SHISA6: variants seen among roughly 807,000 people sequenced by gnomAD.
SHISA6 encodes protein shisa-6.
In SHISA6, 22 loss-of-function variants were observed where a neutral mutation model predicts 47.9. The observed-to-expected ratio is 0.46, with a 90% CI of 0.33 to 0.66. The LOEUF is 0.66. SHISA6 is among the 30% of genes least tolerant of loss of function. The probability of loss-of-function intolerance (pLI) is 0.02; values close to 1 mark genes in which losing one functional copy is unlikely to be tolerated. For missense variants in SHISA6, 680 were observed against 764.6 expected (o/e 0.89, Z 1.30); for synonymous variants, 388 against 337.8 (o/e 1.15, Z -1.63).
intron 1 of SHISA6, among the ~76,000 whole-genome samples, chr17:11,246,342 TA>T (rs1408888241): frequency 1.3e-5 from 2 of 152,078 alleles, no homozygotes; most frequent in Non-Finnish European, 2.9e-5. Flanking sequence ...CACAAAAAGT[TA>T]GCCGGGTGTG....
In SHISA6 at chr17:11,525,785, G is replaced by A. The variant is rs961779503; in HGVS notation, c.896-26111G>A. 1.1e-4 allele frequency among the ~76,000 whole-genome samples: 16 copies of A among 151,956 alleles called. 1 individual carries two copies. Among genetic ancestry groups the A allele is most frequent in the Admixed American group, 1.0e-3 (16 of 15,262 alleles). ...AATCCCAGCACTTTGGGAGGTTGAGGAGGGCTCAAGGGTTTGAGACTAGCC... is the reference window on the plus strand; with the variant it reads ...AATCCCAGCACTTTGGGAGGTTGAGAAGGGCTCAAGGGTTTGAGACTAGCC... On this transcript the variant is annotated intron_variant, in intron 3 of 5. Coordinates refer to ENST00000441885, the MANE Select transcript of SHISA6 (RefSeq NM_207386.4).
At chr17:11,426,055 TCC>T (rs1208262747) in intron 3 of SHISA6, among the ~76,000 whole-genome samples, 1 of 152,050 alleles carries the variant, frequency 6.6e-6, no homozygotes, top group Non-Finnish European at 1.5e-5. Context: ...GAGTGTTACC[TCC>T]CACAAGGAAA....
chr17:11,383,709 T>A (rs1017470820), intron 3 of SHISA6, among the ~76,000 whole-genome samples: 4 of 152,216 alleles, frequency 2.6e-5, no homozygotes, highest in Admixed American at 2.6e-4. Context: ...TCTTACTATC[T>A]CCTTCTAAGT....
intron 2 of SHISA6, among the ~76,000 whole-genome samples, chr17:11,271,808 C>T (rs1044580154): frequency 6.6e-6 from 1 of 152,010 alleles, no homozygotes; most frequent in Non-Finnish European, 1.5e-5. Context: ...GCTCACCTTT[C>T]CTTCTGTGCC....
chr17:11,429,572 G>A (rs1268225477), intron 3 of SHISA6, among the ~76,000 whole-genome samples: 2 of 151,300 alleles, frequency 1.3e-5, no homozygotes, highest in African/African-American at 4.9e-5. Flanking sequence ...CCTGAGGTTG[G>A]GAGTTCAAGA....
intron 3 of SHISA6, among the ~76,000 whole-genome samples, chr17:11,440,673 C>T (rs1302022787): frequency 2.0e-5 from 3 of 150,284 alleles, no homozygotes; most frequent in Admixed American, 6.6e-5. Context: ...GAAATTAAAT[C>T]GGGGATAATC....
At chr17:11,318,692 G>C (rs1910603347) in intron 2 of SHISA6, among the ~76,000 whole-genome samples, 1 of 152,158 alleles carries the variant, frequency 6.6e-6, no homozygotes, top group Non-Finnish European at 1.5e-5. Flanking sequence ...GACTGTGTCT[G>C]TTTTTACTCT....
chr17:11,329,768 T>A (rs1486452543), intron 2 of SHISA6, among the ~76,000 whole-genome samples: 4 of 152,262 alleles, frequency 2.6e-5, no homozygotes, highest in South Asian at 2.1e-4. Context: ...CTGGTCTGAA[T>A]TTTTAGCCAT....
chr17:11,310,106 TTA>T (rs1364451100), intron 2 of SHISA6, among the ~76,000 whole-genome samples: 5 of 152,126 alleles, frequency 3.3e-5, no homozygotes, highest in Admixed American at 3.3e-4. Context: ...TAGGCTGCAG[TTA>T]TACCACAGAA....
intron 4 of SHISA6, among the ~76,000 whole-genome samples, 170 bp from the exon 5 acceptor site, chr17:11,555,570 T>C (rs891813391): frequency 1.8e-4 from 27 of 151,948 alleles, no homozygotes; most frequent in Non-Finnish European, 3.5e-4. Context: ...CCTAGGCTTA[T>C]TGACAACTGG....
chr17:11,457,254 C>T (rs908388905), intron 3 of SHISA6, among the ~76,000 whole-genome samples: 1 of 152,152 alleles, frequency 6.6e-6, no homozygotes, highest in African/African-American at 2.4e-5. Context: ...TCATCTCTAC[C>T]CTGCACTCCT....
chr17:11,314,379 A>G (rs918215268), intron 2 of SHISA6, among the ~76,000 whole-genome samples: 11 of 151,636 alleles, frequency 7.3e-5, no homozygotes, highest in Admixed American at 5.3e-4. Context: ...CAATGTCTAT[A>G]TTGGGGGAAA....
At chr17:11,336,751 C>G (rs1231750895) in intron 2 of SHISA6, among the ~76,000 whole-genome samples, 3 of 152,208 alleles carry the variant, frequency 2.0e-5, no homozygotes, top group African/African-American at 7.2e-5. Context: ...TGCCATCTGT[C>G]CTGTCCTTCT....
At chr17:11,331,152 C>T (rs912549615) in intron 2 of SHISA6, among the ~76,000 whole-genome samples, 11 of 152,102 alleles carry the variant, frequency 7.2e-5, no homozygotes, top group Admixed American at 6.5e-5. Context: ...GATGTGGAGG[C>T]GTGGCTTTCC....
At chr17:11,417,196 C>T (rs1212908668) in intron 3 of SHISA6, among the ~76,000 whole-genome samples, 1 of 114,572 alleles carries the variant, frequency 8.7e-6, no homozygotes, top group East Asian at 2.7e-4. Context: ...CTAGTCTGTT[C>T]ACCAGAGTCT....
intron 3 of SHISA6, among the ~76,000 whole-genome samples, chr17:11,479,494 A>G (rs747086767): frequency 2.0e-5 from 3 of 152,116 alleles, no homozygotes; most frequent in Non-Finnish European, 4.4e-5. Context: ...GAGCATTAGG[A>G]CAAATACCTA....
chr17:11,491,827 A>G (rs562136409), intron 3 of SHISA6, among the ~76,000 whole-genome samples: 1 of 140,760 alleles, frequency 7.1e-6, no homozygotes, highest in East Asian at 2.1e-4. Flanking sequence ...GCTGGAGTGC[A>G]ATGGTGCGAT....
intron 2 of SHISA6, among the ~76,000 whole-genome samples, chr17:11,271,366 C>T (rs1185057570): frequency 6.6e-6 from 1 of 152,104 alleles, no homozygotes; most frequent in Non-Finnish European, 1.5e-5. Context: ...ATGGTCAGCA[C>T]CCCTCAGATG....
At chr17:11,522,051 C>T (rs866290225) in intron 3 of SHISA6, among the ~76,000 whole-genome samples, 10 of 151,544 alleles carry the variant, frequency 6.6e-5, no homozygotes, top group African/African-American at 9.7e-5. Flanking sequence ...CTGCAACCTC[C>T]GCCTCCCAGG....
Sources: allele counts gnomAD v4.1 joint callset (sites outside exome capture counted in the v4.1 genomes callset), GRCh38; gene constraint gnomAD v4.1.1; transcripts MANE v1.5; gene names NCBI Gene and HGNC (gene_info 2026-07-23, HGNC 2026-07-21).